Variants in KAT6A observed in about 807,000 individuals in gnomAD.
The protein encoded by KAT6A is lysine acetyltransferase 6A.
KAT6A carries 9 observed loss-of-function variants against 198.4 expected under a neutral mutation model. The ratio of observed to expected loss-of-function variants is 0.05; its 90% confidence interval spans 0.03 to 0.08. The LOEUF (loss-of-function observed/expected upper bound fraction) is 0.08, where lower values mean the gene tolerates loss of function less well. Ranked by LOEUF, KAT6A falls within the 10% of genes least tolerant of loss-of-function variation. The probability of loss-of-function intolerance (pLI) is 1.00; values close to 1 mark genes in which losing one functional copy is unlikely to be tolerated. For missense variants in KAT6A, 2,077 were observed against 2,509.9 expected (o/e 0.83, Z 3.69); for synonymous variants, 890 against 883.0 (o/e 1.01, Z -0.14).
chr8:42,010,707 T>C (rs1825981273), intron 2 of KAT6A, among the ~76,000 whole-genome samples: 1 of 152,150 alleles, frequency 6.6e-6, no homozygotes, highest in Non-Finnish European at 1.5e-5. Context: ...ATCTGGCTTG[T>C]GTAACAAATC....
At chr8:41,979,966 GT>G (rs1340057352) in intron 5 of KAT6A, among the ~76,000 whole-genome samples, 5 of 122,572 alleles carry the variant, frequency 4.1e-5, no homozygotes, top group African/African-American at 1.5e-4. Context: ...GGGCGACAGA[GT>G]GAGACTCCAT....
chr8:42,037,108 TA>T (rs1040393494), intron 2 of KAT6A, among the ~76,000 whole-genome samples: 2 of 152,026 alleles, frequency 1.3e-5, no homozygotes, highest in South Asian at 2.1e-4. Context: ...AAATAAAAAA[TA>T]AAAAAAACTG....
chr8:41,959,910 C>T (rs904362386), intron 8 of KAT6A, among the ~76,000 whole-genome samples: 4 of 150,850 alleles, frequency 2.7e-5, no homozygotes, highest in South Asian at 2.1e-4. Flanking sequence ...GAGCCAAGAT[C>T]GCGCAACTGC....
chr8:42,022,064 C>T (rs531843804), intron 2 of KAT6A, among the ~76,000 whole-genome samples: 5 of 152,166 alleles, frequency 3.3e-5, no homozygotes, highest in Non-Finnish European at 5.9e-5. Flanking sequence ...TAATATACTA[C>T]GGCAAATCGT....
intron 2 of KAT6A, among the ~76,000 whole-genome samples, chr8:42,009,115 C>T (rs769456053): frequency 1.3e-5 from 2 of 151,968 alleles, no homozygotes; most frequent in East Asian, 3.9e-4. Context: ...TAATTCGTTG[C>T]GGAAAATACA....
At chr8:41,982,636 A>G (rs146725546) in intron 3 of KAT6A, among the ~76,000 whole-genome samples, 10 of 152,252 alleles carry the variant, frequency 6.6e-5, no homozygotes, top group Admixed American at 1.3e-4. Context: ...TGCATACACT[A>G]CCCATTTGTT....
At chr8:41,978,842 AGTCTT>A in intron 5 of KAT6A, 65 bp from the exon 6 acceptor site, 1 of 1,469,036 alleles carries the variant, frequency 6.8e-7, no homozygotes, top group Non-Finnish European at 9.4e-7. Flanking sequence ...GGTTTCAGAT[AGTCTT>A]AAGTCAGGAT....
intron 15 of KAT6A, among the ~76,000 whole-genome samples, chr8:41,940,124 G>A (rs1217998530): frequency 6.6e-6 from 1 of 152,240 alleles, no homozygotes; most frequent in Non-Finnish European, 1.5e-5. Context: ...GGCTCTTCCA[G>A]GGAGCAGCCT....
At position 41,981,822 on chromosome 8, in the gene KAT6A, A is replaced by G. The variant is rs1398247809; in HGVS notation, c.825+17T>C. 1 of 1,477,332 alleles carries G rather than the reference A, an allele frequency of 6.8e-7. No individual in the cohort carries two copies. The highest frequency in any genetic ancestry group is 9.5e-7 in the Non-Finnish European group (1 of 1,055,994). 91.5% of individuals were successfully genotyped at this position (1,477,332 alleles called of 1,614,324 possible). A position where few individuals can be genotyped will look rare whatever the true frequency, so the allele number is the denominator to read the frequency against. ...CTACTAAATGAAACACCCATATTAG[A>G]AGGCAGAGATACTCACCGCATTTTT... On this transcript the variant is annotated intron_variant, in intron 4 of 16. Coordinates refer to ENST00000265713, the MANE Select transcript of KAT6A (RefSeq NM_006766.5).
chr8:41,967,064 C>T (rs1038153629), intron 8 of KAT6A, among the ~76,000 whole-genome samples: 2 of 151,906 alleles, frequency 1.3e-5, no homozygotes, highest in African/African-American at 4.8e-5. Context: ...TTTAATAACC[C>T]GCACAGATTT....
chr8:41,989,642 G>C (rs1263380200), intron 2 of KAT6A, among the ~76,000 whole-genome samples: 1 of 152,230 alleles, frequency 6.6e-6, no homozygotes, highest in South Asian at 2.1e-4. Context: ...ATATAATACA[G>C]AGAGATCTGA....
At chr8:42,028,981 A>T (rs2150920589) in intron 2 of KAT6A, among the ~76,000 whole-genome samples, 1 of 152,266 alleles carries the variant, frequency 6.6e-6, no homozygotes, top group Non-Finnish European at 1.5e-5. Flanking sequence ...TTGTAGGGCC[A>T]TCTAGTGTTG....
chr8:42,007,321 A>C (rs981709485), intron 2 of KAT6A, among the ~76,000 whole-genome samples: 1 of 152,206 alleles, frequency 6.6e-6, no homozygotes, highest in Non-Finnish European at 1.5e-5. Flanking sequence ...AATATGGGGA[A>C]CTGACTTAAC....
chr8:41,997,533 C>A (rs1825278914), intron 2 of KAT6A, among the ~76,000 whole-genome samples: 1 of 152,184 alleles, frequency 6.6e-6, no homozygotes, highest in Non-Finnish European at 1.5e-5. Flanking sequence ...TGCATAAAAA[C>A]AACTCACTTT....
intron 8 of KAT6A, among the ~76,000 whole-genome samples, chr8:41,958,784 G>T (rs1281118157): frequency 1.3e-5 from 2 of 152,156 alleles, no homozygotes; most frequent in Non-Finnish European, 2.9e-5. Context: ...GCATAAGTAA[G>T]GAATACAAAT....
At position 41,933,819 on chromosome 8, in the gene KAT6A, C is replaced by G; in HGVS notation, c.4401G>C (p.Gln1467His). ...QSYTQADEDP[Q>H]MSMVEDCHAS... The stretch of plus-strand genomic sequence containing the variant: ...CATGACAGTCTTCAACCATGGACAT[C>G]TGAGGGTCCTCGTCAGCCTGGGTGT... Residue 1467 changes from glutamine (Q) to histidine (H), a missense_variant, in exon 17 of 17, where the codon CAG becomes CAC. Around this residue, in one of 13 missense-constraint regions of KAT6A, gnomAD observed 178 missense variants for 220.8 expected, o/e 0.81. Transcript: ENST00000265713. The surrounding 1 kb of genome is among the most constrained non-coding windows in gnomAD (Gnocchi z 6.2). 1 of 1,614,132 alleles carries G rather than the reference C, an allele frequency of 6.2e-7. No homozygotes were observed. The highest frequency in any genetic ancestry group is 8.5e-7 in the Non-Finnish European group (1 of 1,180,022).
intron 2 of KAT6A, among the ~76,000 whole-genome samples, chr8:41,994,308 A>T (rs1825085774): frequency 6.6e-6 from 1 of 152,156 alleles, no homozygotes; most frequent in Admixed American, 6.5e-5. Flanking sequence ...CTTCCATCTC[A>T]GATTAAATGC....
chr8:41,987,405 G>A (rs370500697), intron 3 of KAT6A, 50 bp downstream of exon 3: 43 of 1,085,972 alleles, frequency 4.0e-5, no homozygotes, highest in Non-Finnish European at 5.2e-5. Flanking sequence ...CATACTTTCC[G>A]CTTGCCTTCG....
intron 8 of KAT6A, among the ~76,000 whole-genome samples, chr8:41,960,337 T>C (rs1443439805): frequency 6.6e-6 from 1 of 152,002 alleles, no homozygotes; most frequent in Admixed American, 6.6e-5. Context: ...CCCAGCACTT[T>C]GGGAGGCCAA....
Sources: allele counts gnomAD v4.1 joint callset (sites outside exome capture counted in the v4.1 genomes callset), GRCh38; gene constraint gnomAD v4.1.1; regional missense constraint gnomAD v4.1.1; non-coding constraint Gnocchi (gnomAD v3.1); transcripts MANE v1.5; gene names NCBI Gene and HGNC (gene_info 2026-07-23, HGNC 2026-07-21).